The following L3MBTL4 variants were observed in gnomAD, a reference collection of about 807,000 sequenced individuals.
The protein encoded by L3MBTL4 is lethal(3)malignant brain tumor-like protein 4.
Under a neutral mutation model 84.5 loss-of-function variants are expected in L3MBTL4, and 70 were observed. The observed-to-expected ratio is 0.83, with a 90% CI of 0.68 to 1.01. L3MBTL4 has a LOEUF of 1.01. Among genes scored for constraint, L3MBTL4 ranks in the 50% least tolerant of loss-of-function variants. The probability of loss-of-function intolerance (pLI) is 0.00; values close to 1 mark genes in which losing one functional copy is unlikely to be tolerated. For synonymous variants in L3MBTL4, 274 were observed against 259.8 expected (o/e 1.05, Z -0.52); for missense variants, 715 against 754.8 (o/e 0.95, Z 0.62).
At chr18:6,403,600 T>C (rs2055600334) in intron 1 of L3MBTL4, among the ~76,000 whole-genome samples, 1 of 152,266 alleles carries the variant, frequency 6.6e-6, no homozygotes, top group East Asian at 1.9e-4. Flanking sequence ...GTATTATTTA[T>C]GCACACTATA....
chr18:5,964,303 C>A (rs2052221413), intron 17 of L3MBTL4, among the ~76,000 whole-genome samples: 2 of 152,232 alleles, frequency 1.3e-5, no homozygotes, highest in African/African-American at 4.8e-5. Context: ...TCACTTCCCC[C>A]ACGACCTACT....
intron 14 of L3MBTL4, among the ~76,000 whole-genome samples, chr18:6,129,045 G>C (rs1211790295): frequency 6.6e-6 from 1 of 152,046 alleles, no homozygotes; most frequent in African/African-American, 2.4e-5. Flanking sequence ...TGAGGAAATG[G>C]GAAAGGCTAC....
At chr18:6,076,858 T>G (rs2057870533) in intron 16 of L3MBTL4, among the ~76,000 whole-genome samples, 1 of 152,218 alleles carries the variant, frequency 6.6e-6, no homozygotes, top group Non-Finnish European at 1.5e-5. Flanking sequence ...TAGCTGAACT[T>G]TCCACAATTC....
intron 12 of L3MBTL4, among the ~76,000 whole-genome samples, chr18:6,178,109 T>A (rs1211827553): frequency 2.0e-5 from 3 of 152,108 alleles, no homozygotes; most frequent in African/African-American, 4.8e-5. Flanking sequence ...AAAAAAAAAA[T>A]CTTTTTCAAT....
At chr18:6,041,836 C>G (rs1032483821) in intron 16 of L3MBTL4, among the ~76,000 whole-genome samples, 5 of 151,954 alleles carry the variant, frequency 3.3e-5, no homozygotes, top group African/African-American at 9.7e-5. Context: ...GTGATCTTCC[C>G]ATCTCAACCT....
chr18:6,294,828 C>T (rs1205720027), intron 4 of L3MBTL4, among the ~76,000 whole-genome samples: 1 of 152,178 alleles, frequency 6.6e-6, no homozygotes, highest in African/African-American at 2.4e-5. Flanking sequence ...TTAGTATTGT[C>T]TTCAGAGGGG....
intron 12 of L3MBTL4, among the ~76,000 whole-genome samples, chr18:6,179,515 A>G (rs371150660): frequency 2.0e-5 from 3 of 152,348 alleles, no homozygotes; most frequent in East Asian, 3.9e-4. Flanking sequence ...CAGGGATAGT[A>G]CTGAGGCAAG....
intron 16 of L3MBTL4, among the ~76,000 whole-genome samples, chr18:6,046,979 A>ATTT (rs2056650240): frequency 6.6e-6 from 1 of 152,204 alleles, no homozygotes; most frequent in African/African-American, 2.4e-5. Flanking sequence ...TTATTTGAAC[A>ATTT]GATAAACAAG....
At chr18:6,075,700 G>C (rs1330014508) in intron 16 of L3MBTL4, among the ~76,000 whole-genome samples, 2 of 152,044 alleles carry the variant, frequency 1.3e-5, no homozygotes, top group Non-Finnish European at 2.9e-5. Context: ...TCATCACAAG[G>C]CATCATTAAG....
chr18:6,146,587 A>T (rs1053410938), intron 13 of L3MBTL4, among the ~76,000 whole-genome samples: 7 of 152,234 alleles, frequency 4.6e-5, no homozygotes, highest in Admixed American at 3.3e-4. Flanking sequence ...AGCAAGCCTG[A>T]TGGAGGTTCA....
At chr18:6,150,405 G>T (rs978592866) in intron 13 of L3MBTL4, among the ~76,000 whole-genome samples, 1 of 151,720 alleles carries the variant, frequency 6.6e-6, no homozygotes, top group African/African-American at 2.4e-5. Context: ...AACAGAAAAT[G>T]TTATGAGTTG....
At chr18:6,213,032 AATTATTG>A (rs2046175574) in intron 12 of L3MBTL4, 110 bp downstream of exon 12, 1 of 597,690 alleles carries the variant, frequency 1.7e-6, no homozygotes, top group Non-Finnish European at 2.8e-6. Context: ...CCCCCCAGAA[AATTATTG>A]TGCAGATGAA....
At chr18:6,044,407 T>C (rs908423537) in intron 16 of L3MBTL4, among the ~76,000 whole-genome samples, 2 of 152,210 alleles carry the variant, frequency 1.3e-5, no homozygotes, top group Non-Finnish European at 2.9e-5. Context: ...CCTATCTATC[T>C]CTTTTTTTGT....
At chr18:6,235,677 G>GT (rs1347530703) in intron 10 of L3MBTL4, among the ~76,000 whole-genome samples, 1 of 152,186 alleles carries the variant, frequency 6.6e-6, no homozygotes, top group African/African-American at 2.4e-5. Flanking sequence ...GGAAATAGGG[G>GT]TATGGACGGG....
chr18:6,073,422 A>T (rs1465461687), intron 16 of L3MBTL4, among the ~76,000 whole-genome samples: 1 of 152,172 alleles, frequency 6.6e-6, no homozygotes, highest in Non-Finnish European at 1.5e-5. Context: ...TACAATTAAA[A>T]TTCTTTCAAT....
intron 16 of L3MBTL4, among the ~76,000 whole-genome samples, chr18:5,998,067 C>T (rs2054057174): frequency 1.3e-5 from 2 of 152,302 alleles, no homozygotes; most frequent in Non-Finnish European, 1.5e-5. Context: ...AGATACAAAA[C>T]AGCAGCAGCG....
At chr18:6,303,543 G>C (rs2050436425) in intron 3 of L3MBTL4, among the ~76,000 whole-genome samples, 2 of 152,120 alleles carry the variant, frequency 1.3e-5, no homozygotes, top group African/African-American at 4.8e-5. Context: ...TAGTAAGTTT[G>C]ATCAAAAAAT....
intron 16 of L3MBTL4, among the ~76,000 whole-genome samples, chr18:6,049,313 CA>C (rs756952942): frequency 6.6e-6 from 1 of 151,976 alleles, no homozygotes; most frequent in Non-Finnish European, 1.5e-5. Flanking sequence ...AGACAACCTA[CA>C]AAATGGGAGA....
chr18:6,254,541 A>G (rs749277716), intron 5 of L3MBTL4, among the ~76,000 whole-genome samples: 3 of 148,732 alleles, frequency 2.0e-5, no homozygotes, highest in Admixed American at 1.4e-4. Flanking sequence ...CTGATTGTGT[A>G]TTTTTAAACT....
Sources: gnomAD v4.1 joint callset for allele counts (sites outside exome capture counted in the v4.1 genomes callset) on GRCh38, gnomAD v4.1.1 for gene constraint, MANE v1.5 for transcripts, NCBI Gene and HGNC (gene_info 2026-07-23, HGNC 2026-07-21) for gene names.